Variants in NCKAP5 observed in about 807,000 individuals in gnomAD.
The protein encoded by NCKAP5 is nck-associated protein 5.
A neutral mutation model predicts 167.0 loss-of-function variants in NCKAP5; 92 were observed. The observed-to-expected ratio is 0.55, with a 90% confidence interval of 0.47 to 0.66. The LOEUF is 0.66. Among genes scored for constraint, NCKAP5 ranks in the 30% least tolerant of loss-of-function variants. NCKAP5 has a pLI of 0.00. For missense variants in NCKAP5, 2,378 were observed against 2,315.0 expected (o/e 1.03, Z -0.56); for synonymous variants, 891 against 877.4 (o/e 1.02, Z -0.27).
At chr2:133,355,891 A>G (rs531231623) in intron 3 of NCKAP5, among the ~76,000 whole-genome samples, 49 of 151,832 alleles carry the variant, frequency 3.2e-4, no homozygotes, top group Admixed American at 6.6e-4. Flanking sequence ...CAGGAAAACT[A>G]TCATTTTGCT....
At chr2:132,699,857 G>T (rs1573918257) in intron 19 of NCKAP5, among the ~76,000 whole-genome samples, 1 of 152,214 alleles carries the variant, frequency 6.6e-6, no homozygotes, top group Non-Finnish European at 1.5e-5. Context: ...TAATGGGATG[G>T]CTGGGTCAAA....
At chr2:133,109,252 T>G (rs996396709) in intron 6 of NCKAP5, among the ~76,000 whole-genome samples, 2 of 152,224 alleles carry the variant, frequency 1.3e-5, no homozygotes, top group Non-Finnish European at 2.9e-5. Flanking sequence ...AGTCAAACCT[T>G]TGAACTCACA....
intron 6 of NCKAP5, among the ~76,000 whole-genome samples, chr2:133,088,434 A>C (rs911949746): frequency 1.3e-5 from 2 of 152,104 alleles, no homozygotes; most frequent in African/African-American, 4.8e-5. Context: ...AATGAACCTC[A>C]GGGTCTCTAA....
At chr2:133,146,701 C>A (rs1464484476) in intron 5 of NCKAP5, among the ~76,000 whole-genome samples, 1 of 152,066 alleles carries the variant, frequency 6.6e-6, no homozygotes, top group African/African-American at 2.4e-5. Flanking sequence ...CACACAAACA[C>A]CAAATTCTTA....
upstream of NCKAP5, among the ~76,000 whole-genome samples, chr2:133,569,240 CT>C (rs1376002962): frequency 6.6e-6 from 1 of 152,090 alleles, no homozygotes; most frequent in East Asian, 1.9e-4. Context: ...AATCTCTCTT[CT>C]GTCCGTTGGT....
At chr2:133,145,272 A>G (rs1199036902) in intron 5 of NCKAP5, among the ~76,000 whole-genome samples, 1 of 152,032 alleles carries the variant, frequency 6.6e-6, no homozygotes. Flanking sequence ...CTATTTAATA[A>G]ATAAGTTAAT....
chr2:133,419,943 A>C (rs901303733), intron 3 of NCKAP5, among the ~76,000 whole-genome samples: 3 of 152,224 alleles, frequency 2.0e-5, no homozygotes, highest in Admixed American at 1.3e-4. Flanking sequence ...CTTTTGCATA[A>C]GACTCTAAAC....
chr2:132,823,086 A>C (rs542127877), intron 11 of NCKAP5, among the ~76,000 whole-genome samples: 1 of 152,336 alleles, frequency 6.6e-6, no homozygotes, highest in African/African-American at 2.4e-5. Flanking sequence ...AGAATAATTG[A>C]TGTCCCTGAG....
chr2:133,215,858 A>T (rs1307504496), intron 4 of NCKAP5, among the ~76,000 whole-genome samples: 1 of 152,202 alleles, frequency 6.6e-6, no homozygotes, highest in Non-Finnish European at 1.5e-5. Context: ...TACAGATGAC[A>T]TTATTTTCTA....
chr2:133,495,366 C>T (rs1003271870), intron 3 of NCKAP5, among the ~76,000 whole-genome samples: 5 of 152,176 alleles, frequency 3.3e-5, no homozygotes, highest in Middle Eastern at 3.4e-3. Context: ...ACCCTACACG[C>T]GATTCCAAAA....
intron 4 of NCKAP5, among the ~76,000 whole-genome samples, chr2:133,250,810 G>A (rs2088278452): frequency 6.6e-6 from 1 of 152,018 alleles, no homozygotes; most frequent in African/African-American, 2.4e-5. Flanking sequence ...CAAACCTGTA[G>A]TCTCAGCTAC....
chr2:133,465,361 G>A (rs909433348), intron 3 of NCKAP5, among the ~76,000 whole-genome samples: 3 of 151,910 alleles, frequency 2.0e-5, no homozygotes, highest in Admixed American at 6.6e-5. Flanking sequence ...TGGCTGCATA[G>A]TATTCCATGG....
At chr2:132,866,456 A>G (rs1048843836) in intron 10 of NCKAP5, among the ~76,000 whole-genome samples, 2 of 152,196 alleles carry the variant, frequency 1.3e-5, no homozygotes, top group African/African-American at 2.4e-5. Flanking sequence ...TTGTTGTTCT[A>G]AAGGGGTACA....
At chr2:133,172,957 T>G (rs2084311123) in intron 5 of NCKAP5, among the ~76,000 whole-genome samples, 1 of 152,098 alleles carries the variant, frequency 6.6e-6, no homozygotes, top group Non-Finnish European at 1.5e-5. Flanking sequence ...AGAGCTGGGA[T>G]TACAGGCGGG....
chr2:133,649,563 T>C, the NCKAP5 span, among the ~76,000 whole-genome samples: 554 of 152,160 alleles, frequency 3.6e-3, 3 homozygotes, highest in African/African-American at 0.013. Context: ...ATTTCTGGGA[T>C]AAAAGGATGG....
At chr2:133,124,742 G>T in intron 6 of NCKAP5, among the ~76,000 whole-genome samples, 1 of 152,202 alleles carries the variant, frequency 6.6e-6, no homozygotes, top group East Asian at 1.9e-4. Flanking sequence ...GTTTCCTGTT[G>T]AAAATAGCAG....
chr2:132,793,708 G>C (rs1027224181), intron 12 of NCKAP5, among the ~76,000 whole-genome samples: 1 of 152,150 alleles, frequency 6.6e-6, no homozygotes, highest in Admixed American at 6.5e-5. Flanking sequence ...GAGCCTGCCT[G>C]CCAGCAGGCA....
chr2:133,661,446 A>AT, the NCKAP5 span, among the ~76,000 whole-genome samples: 10 of 152,182 alleles, frequency 6.6e-5, no homozygotes, highest in African/African-American at 2.2e-4. Context: ...AAAAATCAAA[A>AT]TTTTCAGCCT....
intron 2 of NCKAP5, among the ~76,000 whole-genome samples, chr2:133,531,397 T>G (rs1327006027): frequency 2.6e-5 from 4 of 152,132 alleles, no homozygotes; most frequent in Non-Finnish European, 5.9e-5. Flanking sequence ...TTCTACTTAC[T>G]TTTTCTAATT....
Sources: gnomAD v4.1 joint callset for allele counts (sites outside exome capture counted in the v4.1 genomes callset) on GRCh38, gnomAD v4.1.1 for gene constraint, MANE v1.5 for transcripts, NCBI Gene and HGNC (gene_info 2026-07-23, HGNC 2026-07-21) for gene names.